Variants in HS6ST3 observed in about 807,000 individuals in gnomAD.
HS6ST3 encodes the protein heparan-sulfate 6-O-sulfotransferase 3.
A neutral mutation model predicts 36.7 loss-of-function variants in HS6ST3; 12 were observed. The ratio of observed to expected loss-of-function variants is 0.33; its 90% confidence interval spans 0.21 to 0.53. The LOEUF (loss-of-function observed/expected upper bound fraction) is 0.53, where lower values mean the gene tolerates loss of function less well. Ranked by LOEUF, HS6ST3 falls within the 20% of genes least tolerant of loss-of-function variation. HS6ST3 has a pLI of 0.95. For synonymous variants in HS6ST3, 240 were observed against 257.5 expected (o/e 0.93, Z 0.65); for missense variants, 584 against 640.9 (o/e 0.91, Z 0.96).
chr13:96,166,879 A>G (rs568722273), intron 1 of HS6ST3, among the ~76,000 whole-genome samples: 3 of 152,162 alleles, frequency 2.0e-5, no homozygotes, highest in East Asian at 1.9e-4. Context: ...TGTTCTCATG[A>G]TAGTGAGTGA....
At chr13:96,825,596 T>G (rs1368548378) in intron 1 of HS6ST3, among the ~76,000 whole-genome samples, 1 of 152,140 alleles carries the variant, frequency 6.6e-6, no homozygotes, top group East Asian at 1.9e-4. Flanking sequence ...TCTACCTACT[T>G]TAGGTAGAGA....
At position 96,246,435 on chromosome 13, in the gene HS6ST3, T is replaced by A. The variant is rs143439722; in HGVS notation, c.707+154866T>A. 1.6e-3 allele frequency among the ~76,000 whole-genome samples: 243 copies of A among 152,284 alleles called. 1 individual carries two copies. Among genetic ancestry groups the A allele is most frequent in the Middle Eastern group, 3.4e-3 (1 of 294 alleles). On this transcript the variant is annotated intron_variant, in intron 1 of 1. Transcript: ENST00000376705. Reference sequence around the variant, plus strand: ...TCGAGGACATTTGCAGTGGTTATTTTAAAAAATGGTTAGGCAGCTACCTTT... The same window carrying A: ...TCGAGGACATTTGCAGTGGTTATTTAAAAAAATGGTTAGGCAGCTACCTTT...
intron 1 of HS6ST3, among the ~76,000 whole-genome samples, chr13:96,552,721 G>A (rs1427176911): frequency 6.6e-6 from 1 of 152,122 alleles, no homozygotes. Flanking sequence ...TGGCATCAAG[G>A]GCTACTTCAG....
intron 1 of HS6ST3, among the ~76,000 whole-genome samples, chr13:96,725,479 T>A (rs1274893003): frequency 6.6e-6 from 1 of 152,240 alleles, no homozygotes; most frequent in Non-Finnish European, 1.5e-5. Flanking sequence ...CTGTGCTTTT[T>A]TTCTACGTTT....
chr13:96,391,963 T>C (rs766485661), intron 1 of HS6ST3, among the ~76,000 whole-genome samples: 1 of 152,246 alleles, frequency 6.6e-6, no homozygotes, highest in Non-Finnish European at 1.5e-5. Context: ...ATGTGAATCA[T>C]GTCTGTAACT....
At chr13:96,444,414 T>C (rs907455051) in intron 1 of HS6ST3, among the ~76,000 whole-genome samples, 16 of 152,252 alleles carry the variant, frequency 1.1e-4, no homozygotes, top group Non-Finnish European at 1.9e-4. Flanking sequence ...TTCATTATGA[T>C]GATTTCCCAC....
intron 1 of HS6ST3, among the ~76,000 whole-genome samples, chr13:96,168,321 G>A (rs2054170607): frequency 6.6e-6 from 1 of 152,032 alleles, no homozygotes; most frequent in African/African-American, 2.4e-5. Flanking sequence ...GGTACACAAA[G>A]GCATATCATT....
chr13:96,095,556 G>C (rs1020384067), intron 1 of HS6ST3, among the ~76,000 whole-genome samples: 5 of 152,188 alleles, frequency 3.3e-5, no homozygotes, highest in African/African-American at 1.2e-4. Context: ...CGGAAGGTTG[G>C]GGAGAGGTGG....
chr13:96,629,185 C>A (rs1164371737), intron 1 of HS6ST3, among the ~76,000 whole-genome samples: 1 of 152,102 alleles, frequency 6.6e-6, no homozygotes, highest in African/African-American at 2.4e-5. Context: ...GTTCCAAAGA[C>A]CTTAGAATGT....
intron 1 of HS6ST3, among the ~76,000 whole-genome samples, chr13:96,353,992 T>C: frequency 6.6e-6 from 1 of 152,192 alleles, no homozygotes; most frequent in Non-Finnish European, 1.5e-5. Flanking sequence ...AAATGAAATA[T>C]TCCTTGATGT....
chr13:96,746,418 AAAG>A (rs1876563303), intron 1 of HS6ST3, among the ~76,000 whole-genome samples: 2 of 152,096 alleles, frequency 1.3e-5, no homozygotes, highest in South Asian at 4.1e-4. Context: ...CTAAAGGTGT[AAAG>A]AAGGATAGTA....
chr13:96,190,979 G>A (rs774068941), intron 1 of HS6ST3, among the ~76,000 whole-genome samples: 56 of 152,254 alleles, frequency 3.7e-4, no homozygotes, highest in Middle Eastern at 3.4e-3. Context: ...TATGAAGGCC[G>A]CAATCAATGT....
At chr13:96,352,388 G>A (rs1174249354) in intron 1 of HS6ST3, among the ~76,000 whole-genome samples, 1 of 152,168 alleles carries the variant, frequency 6.6e-6, no homozygotes, top group African/African-American at 2.4e-5. Flanking sequence ...CATCCACATG[G>A]TGATGATCAT....
chr13:96,752,947 A>T (rs2138493714), intron 1 of HS6ST3, among the ~76,000 whole-genome samples: 1 of 152,162 alleles, frequency 6.6e-6, no homozygotes, highest in African/African-American at 2.4e-5. Context: ...TTTTTTGTGA[A>T]TGGTGTGAGG....
At chr13:96,199,499 A>G (rs947811044) in intron 1 of HS6ST3, among the ~76,000 whole-genome samples, 3 of 152,218 alleles carry the variant, frequency 2.0e-5, no homozygotes, top group Non-Finnish European at 4.4e-5. Flanking sequence ...TTAGCAGGCT[A>G]TTATGTAGCC....
chr13:96,441,834 A>G (rs541403566), intron 1 of HS6ST3, among the ~76,000 whole-genome samples: 14 of 152,172 alleles, frequency 9.2e-5, no homozygotes, highest in Admixed American at 6.5e-5. Flanking sequence ...AACAGAAACA[A>G]GAGAAAAAGA....
intron 1 of HS6ST3, among the ~76,000 whole-genome samples, chr13:96,625,210 C>G (rs1458098546): frequency 6.6e-6 from 1 of 152,166 alleles, no homozygotes; most frequent in Non-Finnish European, 1.5e-5. Context: ...TGGCATTTGT[C>G]AACTCTCATG....
In HS6ST3 at chr13:96,091,111, G is replaced by A. The variant is rs1217476278; in HGVS notation, c.249G>A (p.Arg83=). The A allele has an allele frequency of 1.4e-6, 2 of 1,421,478 alleles. No homozygotes were observed. The highest frequency in any genetic ancestry group is 1.8e-6 in the Non-Finnish European group (2 of 1,092,840). The allele number at this position is 1,421,478 out of a possible 1,614,324, so 88.1% of individuals were successfully genotyped here. The change falls in exon 1 of 2, where the codon CGG becomes CGA. Residue 83 remains arginine (R), a synonymous_variant. Coordinates refer to ENST00000376705, the MANE Select transcript of HS6ST3 (RefSeq NM_153456.4). ...CCCGGGGGCCCCCCGAGGGACCTCG[G>A]GGGGCCGCGGCGCCGGAGGAGGAGG... ...PPPRGPPEGP[R]GAAAPEEEDE... is the part of the protein sequence containing the mutation.
intron 1 of HS6ST3, among the ~76,000 whole-genome samples, chr13:96,517,924 C>G (rs935989505): frequency 6.6e-6 from 1 of 152,100 alleles, no homozygotes; most frequent in Non-Finnish European, 1.5e-5. Context: ...TTCATTGCAC[C>G]GCTATTTACT....
Sources: allele counts gnomAD v4.1 joint callset (sites outside exome capture counted in the v4.1 genomes callset), GRCh38; gene constraint gnomAD v4.1.1; transcripts MANE v1.5; gene names NCBI Gene and HGNC (gene_info 2026-07-23, HGNC 2026-07-21).